ERCC6L2: variants seen among roughly 807,000 people sequenced by gnomAD.
The protein encoded by ERCC6L2 is ERCC excision repair 6 like 2.
A neutral mutation model predicts 132.0 loss-of-function variants in ERCC6L2; 77 were observed. That is an observed-to-expected ratio of 0.58 (90% CI 0.49 to 0.71). ERCC6L2 has a LOEUF of 0.71. ERCC6L2 is among the 30% of genes least tolerant of loss of function. The pLI, the probability that ERCC6L2 is intolerant of heterozygous loss-of-function variation, is 0.00. For missense variants in ERCC6L2, 1,542 were observed against 1,837.6 expected, an observed-to-expected ratio of 0.84 and a Z score of 2.94; for synonymous variants, 583 against 632.4, an observed-to-expected ratio of 0.92 and a Z score of 1.17.
chr9:95,935,678 CT>C (rs963006697), intron 11 of ERCC6L2, among the ~76,000 whole-genome samples: 47 of 152,098 alleles, frequency 3.1e-4, no homozygotes, highest in African/African-American at 1.1e-3. Flanking sequence ...ATGAAAGCAA[CT>C]TTAAATGTTT....
intron 1 of ERCC6L2, among the ~76,000 whole-genome samples, chr9:95,878,093 A>G (rs1316163346): frequency 6.6e-6 from 1 of 152,222 alleles, no homozygotes; most frequent in Non-Finnish European, 1.5e-5. Context: ...TAATTTAGGG[A>G]AAGTTGATGG....
intron 12 of ERCC6L2, among the ~76,000 whole-genome samples, chr9:95,943,173 G>T (rs1026127219): frequency 6.6e-6 from 1 of 152,046 alleles, no homozygotes; most frequent in Non-Finnish European, 1.5e-5. Context: ...CAGTTGTAAA[G>T]AAAGAATTCC....
At chr9:95,947,923 A>G (rs890334507) in intron 12 of ERCC6L2, among the ~76,000 whole-genome samples, 14 of 152,206 alleles carry the variant, frequency 9.2e-5, no homozygotes, top group South Asian at 2.1e-4. Flanking sequence ...CTTACTGACA[A>G]TGCCCCTAGT....
intron 13 of ERCC6L2, among the ~76,000 whole-genome samples, chr9:95,961,159 A>G (rs1473504883): frequency 6.6e-6 from 1 of 152,098 alleles, no homozygotes; most frequent in Non-Finnish European, 1.5e-5. Context: ...AACCCTTGGT[A>G]CCTGTGAATG....
chr9:95,938,630 T>C (rs1435477336), intron 11 of ERCC6L2, among the ~76,000 whole-genome samples: 1 of 152,160 alleles, frequency 6.6e-6, no homozygotes, highest in Non-Finnish European at 1.5e-5. Context: ...CTAATATTAA[T>C]ATAGCCAGTC....
intron 16 of ERCC6L2, 110 bp from the exon 17 acceptor site, chr9:95,977,951 T>C (rs1390194849): frequency 3.2e-6 from 2 of 631,694 alleles, no homozygotes; most frequent in Non-Finnish European, 2.2e-6. Context: ...CTAAAGAATA[T>C]TGTGATGTTG....
At chr9:95,988,301 C>A (rs1470947806) in intron 17 of ERCC6L2, among the ~76,000 whole-genome samples, 1 of 152,200 alleles carries the variant, frequency 6.6e-6, no homozygotes, top group African/African-American at 2.4e-5. Context: ...TGCAAATTAT[C>A]TGATGAAGAT....
chr9:95,918,270 G>A, intron 6 of ERCC6L2: 1 of 430,458 alleles, frequency 2.3e-6, no homozygotes, highest in Non-Finnish European at 4.6e-6. Context: ...ACCCACTACA[G>A]TGTAGCTGTG....
At chr9:95,912,228 A>G (rs1433140555) in intron 4 of ERCC6L2, among the ~76,000 whole-genome samples, 2 of 152,088 alleles carry the variant, frequency 1.3e-5, no homozygotes, top group Admixed American at 1.3e-4. Flanking sequence ...CATCTTGTCC[A>G]TGTTCTTTTT....
rs944406056 is a variant in ERCC6L2, at chr9:96,014,850, T to A, written c.*1647T>A. Among the ~76,000 whole-genome samples the A allele has an allele frequency of 6.6e-6, 1 of 152,280 alleles. No homozygotes were observed. Among genetic ancestry groups the A allele is most frequent in the South Asian group, 2.1e-4 (1 of 4,824 alleles). On this transcript the variant is annotated 3_prime_UTR_variant, in exon 19 of 19. Transcript: ENST00000653738. ...TATGGTCCTTGATAGACTTGACTTG[T>A]AGATGTTTTCAGCCTACAATGTGAT...
At chr9:95,937,852 C>CT (rs1029067411) in intron 11 of ERCC6L2, among the ~76,000 whole-genome samples, 3 of 150,730 alleles carry the variant, frequency 2.0e-5, no homozygotes, top group Non-Finnish European at 4.4e-5. Flanking sequence ...CTTCTGCTTG[C>CT]TTTTTTTGCT....
chr9:95,917,826 T>C (rs1282210173), intron 6 of ERCC6L2, among the ~76,000 whole-genome samples: 1 of 152,186 alleles, frequency 6.6e-6, no homozygotes, highest in Non-Finnish European at 1.5e-5. Flanking sequence ...ATGGTAGTGA[T>C]GATAATAGTG....
At position 95,897,863 on chromosome 9, in the gene ERCC6L2, G is replaced by A. The variant is rs1828550047; in HGVS notation, c.486G>A (p.Leu162=). The change falls in exon 3 of 19, where the codon CTG becomes CTA. Residue 162 remains leucine, a synonymous_variant. Coordinates refer to ENST00000653738, the MANE Select transcript of ERCC6L2 (RefSeq NM_020207.7). ...TTTTTCCCCAGGTTATTTCATTTCT[G>A]GCTGCAGTTTTGCATAAAAAGGGAA... ...LGKTVQVISF[L]AAVLHKKGTR... is the part of the protein sequence containing the mutation. 1 of 1,612,580 alleles carries A rather than the reference G, an allele frequency of 6.2e-7. No homozygotes were observed.
chr9:95,937,250 G>C (rs1830598664), intron 11 of ERCC6L2, among the ~76,000 whole-genome samples: 1 of 152,150 alleles, frequency 6.6e-6, no homozygotes, highest in African/African-American at 2.4e-5. Flanking sequence ...CAGTGTGTGA[G>C]TGATCAGGTT....
intron 4 of ERCC6L2, among the ~76,000 whole-genome samples, chr9:95,908,956 C>T (rs1429045050): frequency 6.6e-6 from 1 of 151,882 alleles, no homozygotes; most frequent in African/African-American, 2.4e-5. Flanking sequence ...TTTATGAGCA[C>T]ACAAAAAAGA....
intron 4 of ERCC6L2, among the ~76,000 whole-genome samples, chr9:95,914,666 C>G (rs931555766): frequency 6.6e-6 from 1 of 152,042 alleles, no homozygotes; most frequent in Admixed American, 6.6e-5. Context: ...TGTAATAATT[C>G]TTTATATATT....
intron 9 of ERCC6L2, among the ~76,000 whole-genome samples, chr9:95,923,737 A>G (rs113479291): frequency 8.6e-4 from 131 of 152,304 alleles, no homozygotes; most frequent in African/African-American, 3.1e-3. Context: ...AATGCAAAAC[A>G]GGGGGGTAAG....
intron 1 of ERCC6L2, 36 bp downstream of exon 1, chr9:95,876,120 T>C: frequency 6.5e-7 from 1 of 1,537,708 alleles, no homozygotes; most frequent in Non-Finnish European, 8.8e-7. Flanking sequence ...CGCAGAGGCC[T>C]GTGTACTGCG....
chr9:95,995,596 C>T (rs930448552), intron 17 of ERCC6L2, among the ~76,000 whole-genome samples: 1 of 152,082 alleles, frequency 6.6e-6, no homozygotes, highest in Non-Finnish European at 1.5e-5. Flanking sequence ...GTAGATAATG[C>T]CTTTTTTACA....
Sources: allele counts gnomAD v4.1 joint callset (sites outside exome capture counted in the v4.1 genomes callset), GRCh38; gene constraint gnomAD v4.1.1; transcripts MANE v1.5; gene names NCBI Gene and HGNC (gene_info 2026-07-23, HGNC 2026-07-21).